Variants in CEP112 observed in about 807,000 individuals in gnomAD.
CEP112 encodes the protein centrosomal protein 112.
Under a neutral mutation model 153.0 loss-of-function variants are expected in CEP112, and 127 were observed. That is an observed-to-expected ratio of 0.83 (90% CI 0.72 to 0.96). CEP112 has a LOEUF of 0.96. Among genes scored for constraint, CEP112 ranks in the 40% least tolerant of loss-of-function variants. The pLI is 0.00. For missense variants in CEP112, 1,089 were observed against 1,101.2 expected (o/e 0.99, Z 0.16); for synonymous variants, 358 against 374.4 (o/e 0.96, Z 0.51).
chr17:65,679,129 CTTTTTTTTTTT>C (rs57907674), intron 24 of CEP112, among the ~76,000 whole-genome samples: 11 of 31,614 alleles, frequency 3.5e-4, no homozygotes, highest in African/African-American at 6.5e-4. Context: ...GTGGTTCAAG[CTTTTTTTTTTT>C]TTTTTTTTTT....
intron 17 of CEP112, among the ~76,000 whole-genome samples, chr17:65,996,689 C>A (rs2063804231): frequency 6.6e-6 from 1 of 152,138 alleles, no homozygotes; most frequent in African/African-American, 2.4e-5. Context: ...TTTATATTTT[C>A]ATTCCTGCCA....
intron 12 of CEP112, among the ~76,000 whole-genome samples, chr17:66,052,592 C>T (rs8182353): frequency 0.41 from 62,445 of 151,912 alleles, 14,296 homozygotes; most frequent in East Asian, 0.87. Context: ...TGTAGCCTGA[C>T]TGTGGTGACC....
intron 19 of CEP112, among the ~76,000 whole-genome samples, chr17:65,908,361 G>C (rs1189628619): frequency 6.6e-6 from 1 of 152,090 alleles, no homozygotes; most frequent in Non-Finnish European, 1.5e-5. Context: ...GAAAATACTG[G>C]GTTGACTCAT....
chr17:65,855,095 CA>C (rs1462217331), intron 20 of CEP112, among the ~76,000 whole-genome samples: 7 of 152,184 alleles, frequency 4.6e-5, no homozygotes, highest in African/African-American at 1.4e-4. Context: ...ATAAACATAA[CA>C]AAAGCAAATT....
intron 4 of CEP112, among the ~76,000 whole-genome samples, chr17:66,162,838 C>T (rs1232796633): frequency 6.6e-6 from 1 of 152,108 alleles, no homozygotes; most frequent in African/African-American, 2.4e-5. Flanking sequence ...CAGATATATA[C>T]ATTTTGTAAA....
intron 21 of CEP112, among the ~76,000 whole-genome samples, chr17:65,821,200 A>G (rs1025748192): frequency 6.6e-6 from 1 of 151,934 alleles, no homozygotes; most frequent in East Asian, 1.9e-4. Flanking sequence ...GATACAGGCT[A>G]TGTAATTACT....
intron 19 of CEP112, among the ~76,000 whole-genome samples, chr17:65,926,078 G>A (rs552548825): frequency 6.6e-6 from 1 of 152,272 alleles, no homozygotes; most frequent in South Asian, 2.1e-4. Context: ...GCAGAGCACT[G>A]ACGACAAAAT....
intron 22 of CEP112, 35 bp from the exon 23 acceptor site, chr17:65,743,252 C>G: frequency 6.4e-7 from 1 of 1,552,448 alleles, no homozygotes; most frequent in Non-Finnish European, 8.7e-7. Context: ...ACTTCAAATT[C>G]TTCTGGGAGA....
chr17:66,056,228 A>C (rs868762979), intron 11 of CEP112, among the ~76,000 whole-genome samples: 2 of 152,212 alleles, frequency 1.3e-5, no homozygotes, highest in Admixed American at 6.5e-5. Context: ...TAGTTGGCTC[A>C]TGCCAGAGGA....
At chr17:66,145,751 G>A (rs2070891543) in intron 4 of CEP112, among the ~76,000 whole-genome samples, 1 of 152,056 alleles carries the variant, frequency 6.6e-6, no homozygotes, top group Admixed American at 6.6e-5. Flanking sequence ...AATCAGGAAA[G>A]TGAAGTCCCC....
chr17:66,093,658 C>A (rs766800407), intron 8 of CEP112, among the ~76,000 whole-genome samples: 4 of 149,722 alleles, frequency 2.7e-5, no homozygotes, highest in Non-Finnish European at 5.9e-5. Flanking sequence ...CTGTAAAACA[C>A]TGATAAAAGA....
At chr17:66,157,608 A>C (rs904084244) in intron 4 of CEP112, among the ~76,000 whole-genome samples, 1 of 151,858 alleles carries the variant, frequency 6.6e-6, no homozygotes, top group Non-Finnish European at 1.5e-5. Context: ...GTCAAGACCC[A>C]TCAGTGTGCT....
rs146261931 is a variant in CEP112, at chr17:65,834,986, C to T, written c.2394+16818G>A. Among the ~76,000 whole-genome samples the T allele has an allele frequency of 5.5e-3, 833 of 152,122 alleles. 3 individuals are homozygous for T. The highest frequency in any genetic ancestry group is 7.7e-3 in the Admixed American group (118 of 15,288). On this transcript the variant is annotated intron_variant, in intron 21 of 26. Coordinates refer to ENST00000535342, the MANE Select transcript of CEP112 (RefSeq NM_001199165.4). ...CAAACTGGATAAAGACAATGTGATA[C>T]ATATATACCATGGAATACTATGCAG...
intron 18 of CEP112, among the ~76,000 whole-genome samples, chr17:65,930,023 C>A (rs2061067358): frequency 6.6e-6 from 1 of 152,194 alleles, no homozygotes; most frequent in South Asian, 2.1e-4. Flanking sequence ...CTTTAAACCC[C>A]TGCACATTTG....
At chr17:66,010,739 T>G (rs977973651) in intron 16 of CEP112, among the ~76,000 whole-genome samples, 39 of 152,364 alleles carry the variant, frequency 2.6e-4, no homozygotes, top group African/African-American at 9.1e-4. Flanking sequence ...TCTTTAGTTC[T>G]GTTTATGTGA....
In CEP112 at chr17:66,191,805, G is replaced by T. The variant is rs1007166419; in HGVS notation, c.-9+192C>A. On this transcript the variant is annotated intron_variant, in intron 1 of 26. Transcript: ENST00000535342. The surrounding 1 kb of genome is among the most constrained non-coding windows in gnomAD (Gnocchi z 4.2). ...CCTGGATCGCGCTCTGCCTGCCGGG[G>T]ACACCACAGCGGGCAGCGCCGGGAC... 1 of 152,626 alleles carries T rather than the reference G, an allele frequency of 6.6e-6. No individual in the cohort carries two copies. Among genetic ancestry groups the T allele is most frequent in the African/African-American group, 2.4e-5 (1 of 41,448 alleles). The allele number at this position is 152,626 out of a possible 1,614,324, so 9.5% of individuals were successfully genotyped here.
chr17:65,825,676 T>A (rs184336371), intron 21 of CEP112, among the ~76,000 whole-genome samples: 6 of 152,124 alleles, frequency 3.9e-5, no homozygotes, highest in African/African-American at 1.4e-4. Flanking sequence ...AGTAAAAAAA[T>A]AGTTATCATA....
intron 17 of CEP112, among the ~76,000 whole-genome samples, chr17:65,996,653 C>T (rs2145327078): frequency 6.6e-6 from 1 of 152,290 alleles, no homozygotes; most frequent in South Asian, 2.1e-4. Flanking sequence ...CCTTATTTTC[C>T]TGCTTCCACT....
intron 4 of CEP112, among the ~76,000 whole-genome samples, chr17:66,145,190 A>G (rs1241885731): frequency 2.0e-5 from 3 of 152,030 alleles, no homozygotes; most frequent in Non-Finnish European, 4.4e-5. Flanking sequence ...CCATTTACAT[A>G]TTTTCTCTTG....
Sources: allele counts gnomAD v4.1 joint callset (sites outside exome capture counted in the v4.1 genomes callset), GRCh38; gene constraint gnomAD v4.1.1; non-coding constraint Gnocchi (gnomAD v3.1); transcripts MANE v1.5; gene names NCBI Gene and HGNC (gene_info 2026-07-23, HGNC 2026-07-21).